PTPRK: variants seen among roughly 807,000 people sequenced by gnomAD.
PTPRK encodes the protein receptor-type tyrosine-protein phosphatase kappa.
PTPRK carries 75 observed loss-of-function variants against 178.0 expected under a neutral mutation model. The ratio of observed to expected loss-of-function variants is 0.42; its 90% CI spans 0.35 to 0.51. The LOEUF is 0.51. Among genes scored for constraint, PTPRK ranks in the 20% least tolerant of loss-of-function variants. PTPRK has a pLI of 0.02. For missense variants in PTPRK, 1,441 were observed against 1,797.8 expected, an observed-to-expected ratio of 0.80 and a Z score of 3.59; for synonymous variants, 637 against 620.6, an observed-to-expected ratio of 1.03 and a Z score of -0.39.
intron 15 of PTPRK, 99 bp from the exon 16 acceptor site, chr6:127,999,003 T>C (rs1308406549): frequency 1.9e-6 from 2 of 1,029,224 alleles, no homozygotes; most frequent in Non-Finnish European, 2.7e-6. Context: ...TTAAGATCTT[T>C]CTGATAACAA....
chr6:128,270,715 T>A (rs765318043), intron 3 of PTPRK, among the ~76,000 whole-genome samples: 3 of 152,150 alleles, frequency 2.0e-5, no homozygotes, highest in Non-Finnish European at 4.4e-5. Flanking sequence ...ACTTTTAGAA[T>A]GTATTTTTGC....
At chr6:128,460,636 T>C (rs1562567188) in intron 1 of PTPRK, among the ~76,000 whole-genome samples, 1 of 152,206 alleles carries the variant, frequency 6.6e-6, no homozygotes, top group Admixed American at 6.6e-5. Context: ...CCTTCTCTAT[T>C]AAGTCACTGA....
chr6:128,092,841 G>A (rs1013472945), intron 7 of PTPRK, among the ~76,000 whole-genome samples: 3 of 152,002 alleles, frequency 2.0e-5, no homozygotes, highest in Admixed American at 1.3e-4. Context: ...TATTTCTGAG[G>A]TATAAATACA....
chr6:128,302,387 A>T (rs12193722), intron 3 of PTPRK, among the ~76,000 whole-genome samples: 6,724 of 130,668 alleles, frequency 0.051, 581 homozygotes, highest in African/African-American at 0.18. Context: ...GGAAGACTCA[A>T]TTCCAAAAAA....
At position 128,309,221 on chromosome 6, in the gene PTPRK, C is replaced by G. The variant is rs190833949; in HGVS notation, c.495+12818G>C. ...TTAAAAACTGAGACCAACTAAAAGA[C>G]ATGGTACAGACATCACCTCTCCTAC... On this transcript the variant is annotated intron_variant, in intron 3 of 29. Transcript: ENST00000368226. 1.3e-3 allele frequency among the ~76,000 whole-genome samples: 203 copies of G among 152,294 alleles called. 1 individual carries two copies. Among genetic ancestry groups the G allele is most frequent in the African/African-American group, 4.5e-3 (188 of 41,548 alleles).
At chr6:128,276,342 T>A (rs1424067927) in intron 3 of PTPRK, among the ~76,000 whole-genome samples, 1 of 152,122 alleles carries the variant, frequency 6.6e-6, no homozygotes, top group African/African-American at 2.4e-5. Context: ...TTTCTCATTA[T>A]CCTTTTCTAC....
chr6:128,012,596 G>GA (rs1027900699), intron 13 of PTPRK, among the ~76,000 whole-genome samples: 2 of 150,730 alleles, frequency 1.3e-5, no homozygotes, highest in Non-Finnish European at 3.0e-5. Flanking sequence ...TGTACAACGA[G>GA]AAAAAAAACT....
intron 3 of PTPRK, among the ~76,000 whole-genome samples, chr6:128,319,712 T>A (rs7755117): frequency 0.037 from 5,628 of 152,218 alleles, 362 homozygotes; most frequent in African/African-American, 0.13. Flanking sequence ...TTCACAGGTA[T>A]TGATTTGACT....
chr6:128,420,569 C>A (rs968841484), intron 1 of PTPRK, among the ~76,000 whole-genome samples: 1 of 152,220 alleles, frequency 6.6e-6, no homozygotes, highest in East Asian at 1.9e-4. Flanking sequence ...GGCATAGAAA[C>A]AAATAATGAC....
intron 27 of PTPRK, among the ~76,000 whole-genome samples, chr6:127,975,700 A>C (rs1160236916): frequency 6.6e-6 from 1 of 152,120 alleles, no homozygotes; most frequent in African/African-American, 2.4e-5. Context: ...TGGGGGACGA[A>C]GTCTCGCTCT....
chr6:128,165,839 C>T (rs1336414633), intron 7 of PTPRK, among the ~76,000 whole-genome samples: 1 of 151,326 alleles, frequency 6.6e-6, no homozygotes, highest in African/African-American at 2.4e-5. Context: ...GAGTTTATAT[C>T]ACAGAACAAC....
chr6:128,128,646 A>C (rs1257867574), intron 7 of PTPRK, among the ~76,000 whole-genome samples: 1 of 152,246 alleles, frequency 6.6e-6, no homozygotes, highest in African/African-American at 2.4e-5. Flanking sequence ...CTGGATTCTA[A>C]AGAGTTAAGG....
intron 7 of PTPRK, among the ~76,000 whole-genome samples, chr6:128,181,041 T>C (rs910411632): frequency 2.6e-5 from 4 of 152,100 alleles, no homozygotes; most frequent in African/African-American, 9.7e-5. Context: ...AATAATATAT[T>C]TCACAGGATT....
At chr6:128,069,814 A>C (rs1393085517) in intron 11 of PTPRK, among the ~76,000 whole-genome samples, 1 of 152,130 alleles carries the variant, frequency 6.6e-6, no homozygotes, top group Non-Finnish European at 1.5e-5. Flanking sequence ...AGGATACTTC[A>C]TGCAAGACAG....
At chr6:128,444,307 C>A (rs1211477445) in intron 1 of PTPRK, among the ~76,000 whole-genome samples, 3 of 152,126 alleles carry the variant, frequency 2.0e-5, no homozygotes, top group African/African-American at 7.2e-5. Flanking sequence ...TCCTCATTCC[C>A]CCGATTCCCA....
At chr6:128,392,097 A>C (rs1475101829) in intron 2 of PTPRK, among the ~76,000 whole-genome samples, 1 of 152,002 alleles carries the variant, frequency 6.6e-6, no homozygotes, top group East Asian at 1.9e-4. Flanking sequence ...CTACATTCTC[A>C]CCCCTACCCC....
chr6:128,289,910 C>T (rs1020389755), intron 3 of PTPRK, among the ~76,000 whole-genome samples: 2 of 152,066 alleles, frequency 1.3e-5, no homozygotes, highest in African/African-American at 4.8e-5. Context: ...AGTATCTTTG[C>T]ACTGCATAAA....
At chr6:128,215,089 T>G (rs1294367743) in intron 6 of PTPRK, among the ~76,000 whole-genome samples, 1 of 152,184 alleles carries the variant, frequency 6.6e-6, no homozygotes, top group Non-Finnish European at 1.5e-5. Flanking sequence ...AAACTGTGCT[T>G]TCAAACTGAA....
intron 3 of PTPRK, among the ~76,000 whole-genome samples, chr6:128,243,559 G>A (rs1814901295): frequency 6.7e-6 from 1 of 150,248 alleles, no homozygotes; most frequent in African/African-American, 2.4e-5. Context: ...GGTGACACAT[G>A]CCTATAGTAT....
Sources: gnomAD v4.1 joint callset for allele counts (sites outside exome capture counted in the v4.1 genomes callset) on GRCh38, gnomAD v4.1.1 for gene constraint, MANE v1.5 for transcripts, NCBI Gene and HGNC (gene_info 2026-07-23, HGNC 2026-07-21) for gene names.